SLC35F2: variants seen among roughly 807,000 people sequenced by gnomAD.
SLC35F2 encodes solute carrier family 35 member F2.
Under a neutral mutation model 38.1 loss-of-function variants are expected in SLC35F2, and 25 were observed. The observed-to-expected ratio is 0.66, with a 90% confidence interval of 0.48 to 0.92. The LOEUF is 0.92. Ranked by LOEUF, SLC35F2 falls within the 40% of genes least tolerant of loss-of-function variation. The pLI is 0.00. For missense variants in SLC35F2, 409 were observed against 452.9 expected (o/e 0.90, Z 0.88); for synonymous variants, 173 against 181.7 (o/e 0.95, Z 0.38).
At chr11:107,815,708 CA>C in intron 2 of SLC35F2, 81 bp downstream of exon 2, 1 of 1,464,082 alleles carries the variant, frequency 6.8e-7, no homozygotes, top group South Asian at 1.4e-5. Flanking sequence ...ACTACTTTCA[CA>C]GAATTTAGAG....
At chr11:107,829,482 T>C (rs771124193) in intron 1 of SLC35F2, among the ~76,000 whole-genome samples, 2 of 151,902 alleles carry the variant, frequency 1.3e-5, no homozygotes, top group African/African-American at 4.8e-5. Flanking sequence ...CCTTCCACCA[T>C]GCTATGACAC....
chr11:107,795,134 T>A (rs503951), intron 7 of SLC35F2, among the ~76,000 whole-genome samples: 75,008 of 151,962 alleles, frequency 0.49, 18,876 homozygotes, highest in Non-Finnish European at 0.54. Context: ...ATCTATAAAT[T>A]CAGTGCAATC....
Position 107,805,413 on chromosome 11 carries a change from T to G in SLC35F2, c.677A>C (p.Gln226Pro). 1 of 1,614,190 alleles carries G rather than the reference T, an allele frequency of 6.2e-7. No individual in the cohort carries two copies. Reference sequence around the variant, plus strand: ...CAGGCCCACCATTCCTAAAAACTCCTGTCTGCTCAGCTTCTTCACGATGTA... The same window carrying G: ...CAGGCCCACCATTCCTAAAAACTCCGGTCTGCTCAGCTTCTTCACGATGTA... ...EEYIVKKLSR[Q>P]EFLGMVGLFG... The change falls in exon 5 of 8, where the codon CAG becomes CCG. Residue 226 changes from glutamine (Q) to proline (P), a missense_variant. Physicochemically the swap from Gln to Pro is moderately conservative, Grantham distance 76. Transcript: ENST00000525815.
At chr11:107,802,894 C>G (rs2134769744) in intron 7 of SLC35F2, 107 bp downstream of exon 7, 1 of 1,130,660 alleles carries the variant, frequency 8.8e-7, no homozygotes, top group East Asian at 2.9e-5. Context: ...AAATTCTTGC[C>G]AAGAAGATGA....
At chr11:107,802,735 T>C (rs759665029) in intron 7 of SLC35F2, among the ~76,000 whole-genome samples, 1 of 152,206 alleles carries the variant, frequency 6.6e-6, no homozygotes, top group Non-Finnish European at 1.5e-5. Flanking sequence ...CCTGAAAACA[T>C]GCGTTAACAA....
In SLC35F2 at chr11:107,842,287, T is replaced by TA. The variant is rs1292690214; in HGVS notation, c.110+16370dup. 3.0e-3 allele frequency among the ~76,000 whole-genome samples: 213 copies of TA among 71,248 alleles called. 1 individual carries two copies. Among genetic ancestry groups the TA allele is most frequent in the Middle Eastern group, 8.6e-3 (1 of 116 alleles). 46.7% of individuals were successfully genotyped at this position (71,248 alleles called of 152,430 possible). On this transcript the variant is annotated intron_variant, in intron 1 of 7. Transcript: ENST00000525815. ...AAAAAAAAAAAAAAAAAAAAAAAAT[T>TA]AAAGCTTGACTGGAAGTTGTTTTAC...
intron 1 of SLC35F2, among the ~76,000 whole-genome samples, chr11:107,830,578 A>G (rs1270343501): frequency 8.3e-6 from 1 of 120,592 alleles, no homozygotes; most frequent in East Asian, 2.2e-4. Flanking sequence ...AGCAAGACTC[A>G]GTCTCAAAAA....
intron 1 of SLC35F2, among the ~76,000 whole-genome samples, chr11:107,825,081 C>A (rs1025785828): frequency 6.6e-6 from 1 of 152,230 alleles, no homozygotes; most frequent in Non-Finnish European, 1.5e-5. Flanking sequence ...TTGTGCAATA[C>A]TGTAGATGTT....
At chr11:107,833,642 T>C (rs576845599) in intron 1 of SLC35F2, among the ~76,000 whole-genome samples, 1 of 152,010 alleles carries the variant, frequency 6.6e-6, no homozygotes, top group Non-Finnish European at 1.5e-5. Context: ...TTGCTAACCA[T>C]GTTCCCTCCT....
rs948208458 is a variant in SLC35F2, at chr11:107,815,860, G to A, written c.216C>T (p.Pro72=). Reference sequence around the variant, plus strand: ...AATAATTGATAAAGCTCTGAAGCATGGGGGTGTTCACTTTGTATCTTTCTG... The same window carrying A: ...AATAATTGATAAAGCTCTGAAGCATAGGGGTGTTCACTTTGTATCTTTCTG... ...YLAERYKVNT[P]MLQSFINYCL... is the part of the protein sequence containing the mutation. The change falls in exon 2 of 8, where the codon CCC becomes CCT. Residue 72 remains proline (P), a synonymous_variant. Transcript: ENST00000525815. The A allele has an allele frequency of 2.5e-6, 4 of 1,614,022 alleles. No individual in the cohort carries two copies. The highest frequency in any genetic ancestry group is 3.4e-6 in the Non-Finnish European group (4 of 1,180,008).
chr11:107,816,417 A>T, intron 1 of SLC35F2: 2 of 351,370 alleles, frequency 5.7e-6, no homozygotes, highest in Non-Finnish European at 7.9e-6. Flanking sequence ...AATAACTGGG[A>T]CTATAGGCAC....
At chr11:107,807,403 G>A (rs1859411894) in intron 3 of SLC35F2, among the ~76,000 whole-genome samples, 2 of 151,712 alleles carry the variant, frequency 1.3e-5, no homozygotes, top group African/African-American at 2.4e-5. Flanking sequence ...GAGCTGTGAT[G>A]GTGCCACTGC....
chr11:107,806,840 G>T lies in SLC35F2; in HGVS notation c.451C>A (p.Leu151Met). The T allele has an allele frequency of 1.2e-6, 2 of 1,614,062 alleles. No homozygotes were observed. The highest frequency in any genetic ancestry group is 8.5e-7 in the Non-Finnish European group (1 of 1,179,964). Residue 151 changes from leucine to methionine, a missense_variant, in exon 4 of 8, where the codon CTG becomes ATG. Coordinates refer to ENST00000525815, the MANE Select transcript of SLC35F2 (RefSeq NM_017515.5). ...CTTGCATGAAGAATAAACCATGACA[G>T]AGCCATCAACACAGGAATCCCAAAG... is the stretch of plus-strand genomic sequence containing the variant. ...DCFGIPVLMA[L>M]SWFILHARYR...
rs515378 is a variant in SLC35F2 at position 107,805,726 on chromosome 11, G to A, written c.575-211C>T. The A allele has an allele frequency of 3.2e-6, 3 of 935,680 alleles. No homozygotes were observed. The African/African-American group carries it at 5.4e-5, about 17-fold the overall frequency. 58.0% of individuals were successfully genotyped at this position (935,680 alleles called of 1,614,324 possible). On this transcript the variant is annotated intron_variant, in intron 4 of 7. Transcript: ENST00000525815. ...ACAGTCTTGCTCTGTTGCTCAGGCT[G>A]GAGTGCAGTGGCGCAATCTCAGCTC...
chr11:107,822,097 A>G (rs1172570584), intron 1 of SLC35F2, among the ~76,000 whole-genome samples: 2 of 152,110 alleles, frequency 1.3e-5, no homozygotes, highest in Non-Finnish European at 2.9e-5. Flanking sequence ...AAAAAAATTA[A>G]CTGGGTGTGG....
At chr11:107,835,565 G>A (rs1353592993) in intron 1 of SLC35F2, among the ~76,000 whole-genome samples, 1 of 152,028 alleles carries the variant, frequency 6.6e-6, no homozygotes, top group Non-Finnish European at 1.5e-5. Context: ...AAGTAACTGG[G>A]ACTACAGGTG....
intron 1 of SLC35F2, among the ~76,000 whole-genome samples, chr11:107,844,642 AAAT>A (rs1223127743): frequency 6.8e-6 from 1 of 146,294 alleles, no homozygotes; most frequent in East Asian, 2.0e-4. Context: ...ATAAATAAAT[AAAT>A]AAATAAATAA....
chr11:107,825,353 ATTTC>A (rs1468761429), intron 1 of SLC35F2, among the ~76,000 whole-genome samples: 125 of 133,114 alleles, frequency 9.4e-4, no homozygotes, highest in African/African-American at 3.3e-3. Context: ...GAGATTCCGC[ATTTC>A]TTTCTTTTTT....
chr11:107,826,394 G>A (rs1859755985), intron 1 of SLC35F2, among the ~76,000 whole-genome samples: 1 of 151,748 alleles, frequency 6.6e-6, no homozygotes, highest in Admixed American at 6.6e-5. Context: ...ACAGGCATGT[G>A]CCACCACGTC....
Sources: allele counts gnomAD v4.1 joint callset (sites outside exome capture counted in the v4.1 genomes callset), GRCh38; gene constraint gnomAD v4.1.1; transcripts MANE v1.5; gene names NCBI Gene and HGNC (gene_info 2026-07-23, HGNC 2026-07-21).